The following N4BP2L2 variants were observed in gnomAD, a reference collection of about 807,000 sequenced individuals.
The protein encoded by N4BP2L2 is NEDD4-binding protein 2-like 2.
N4BP2L2 carries 50 observed loss-of-function variants against 56.2 expected under a neutral mutation model. The observed-to-expected ratio is 0.89, with a 90% CI of 0.71 to 1.13. The LOEUF (loss-of-function observed/expected upper bound fraction) is 1.13. Ranked by LOEUF, N4BP2L2 falls within the 50% of genes most tolerant of loss-of-function variation. N4BP2L2 has a pLI of 0.00. For synonymous variants in N4BP2L2, 203 were observed against 223.6 expected, an observed-to-expected ratio of 0.91 and a Z score of 0.82; for missense variants, 689 against 693.8, an observed-to-expected ratio of 0.99 and a Z score of 0.08.
At chr13:32,488,088 A>G (rs1015710294) in intron 6 of N4BP2L2, among the ~76,000 whole-genome samples, 3 of 152,174 alleles carry the variant, frequency 2.0e-5, no homozygotes, top group Non-Finnish European at 2.9e-5. Flanking sequence ...AGTTTGCATA[A>G]TTAATAAACA....
intron 6 of N4BP2L2, among the ~76,000 whole-genome samples, chr13:32,502,772 C>G (rs1055666234): frequency 3.9e-5 from 6 of 152,190 alleles, no homozygotes; most frequent in African/African-American, 1.4e-4. Flanking sequence ...TCTGAAAGCA[C>G]AGAACTCCAT....
exon 7 of N4BP2L2, chr13:32,442,839 G>C (rs761765271): frequency 1.2e-6 from 2 of 1,613,564 alleles, no homozygotes; most frequent in Admixed American, 1.7e-5. Context: ...TATTTAAAGG[G>C]GTAGCTTTGA....
At position 32,465,943 on chromosome 13, in the gene N4BP2L2, C is replaced by A. The variant is rs1312439836; in HGVS notation, c.366-21817G>T. Among the ~76,000 whole-genome samples, 6 of 152,188 alleles carry A rather than the reference C, an allele frequency of 3.9e-5. No homozygotes were observed. In the East Asian group the frequency reaches 1.2e-3, roughly 29 times the overall value. On this transcript the variant is annotated intron_variant, in intron 6 of 9. Coordinates refer to the N4BP2L2 transcript ENST00000357505. ...TTGGGATTATAGGCGTGAGCCACCACGCCTGGCCTAGTTTTGTTTATTAAC... is the reference window on the plus strand; with the variant it reads ...TTGGGATTATAGGCGTGAGCCACCAAGCCTGGCCTAGTTTTGTTTATTAAC...
intron 6 of N4BP2L2, among the ~76,000 whole-genome samples, chr13:32,446,822 G>C (rs60977811): frequency 0.057 from 8,700 of 152,182 alleles, 841 homozygotes; most frequent in African/African-American, 0.2. Context: ...CTGTTTAATT[G>C]CTTTACATGT....
chr13:32,472,473 C>T (rs2082497265), intron 6 of N4BP2L2, among the ~76,000 whole-genome samples: 2 of 151,776 alleles, frequency 1.3e-5, no homozygotes, highest in Admixed American at 1.3e-4. Flanking sequence ...TTTTTTTTCC[C>T]CTCACACTCA....
At chr13:32,460,261 C>T (rs1055744957) in intron 6 of N4BP2L2, among the ~76,000 whole-genome samples, 4 of 152,188 alleles carry the variant, frequency 2.6e-5, no homozygotes, top group African/African-American at 9.6e-5. Flanking sequence ...AGGATGCTCA[C>T]CTTCATCACT....
exon 6 of N4BP2L2, chr13:32,514,219 A>C (rs1291836794): frequency 6.6e-6 from 1 of 152,208 alleles, no homozygotes; most frequent in African/African-American, 2.4e-5. Flanking sequence ...ATAAATACTG[A>C]AAATAAAGAT....
chr13:32,483,304 A>C (rs1187703609), intron 6 of N4BP2L2, among the ~76,000 whole-genome samples: 1 of 152,228 alleles, frequency 6.6e-6, no homozygotes, highest in African/African-American at 2.4e-5. Flanking sequence ...GCTACAGATA[A>C]GGGCAGAGAA....
chr13:32,514,351 A>C (rs540009085), exon 6 of N4BP2L2: 29 of 152,298 alleles, frequency 1.9e-4, no homozygotes, highest in African/African-American at 6.7e-4. Flanking sequence ...TCTGCACTAA[A>C]CCTATGGAAC....
chr13:32,526,739 A>C (rs1273102335), intron 3 of N4BP2L2: 5 of 151,838 alleles, frequency 3.3e-5, no homozygotes, highest in African/African-American at 1.2e-4. Context: ...TTCAAAACAA[A>C]AAGTATCAAT....
chr13:32,526,353 C>G (rs1016194599), intron 3 of N4BP2L2, among the ~76,000 whole-genome samples: 3 of 152,132 alleles, frequency 2.0e-5, no homozygotes, highest in African/African-American at 4.8e-5. Context: ...TTCAATTACA[C>G]ACTGGGTTAC....
intron 6 of N4BP2L2, among the ~76,000 whole-genome samples, chr13:32,484,404 C>T (rs546465386): frequency 6.6e-6 from 1 of 152,144 alleles, no homozygotes; most frequent in Non-Finnish European, 1.5e-5. Context: ...TAACTGCAAA[C>T]ATAAACTTGA....
chr13:32,467,737 C>A (rs765105728), intron 6 of N4BP2L2, among the ~76,000 whole-genome samples: 1 of 151,256 alleles, frequency 6.6e-6, no homozygotes, highest in South Asian at 2.1e-4. Context: ...GCTTGTAATC[C>A]GAGCACTTTG....
rs1714637649 is a variant in N4BP2L2 at position 32,457,742 on chromosome 13, G to A, written c.366-13616C>T. 2.0e-5 allele frequency among the ~76,000 whole-genome samples: 3 copies of A among 152,154 alleles called. No homozygotes were observed. The East Asian group carries it at 5.8e-4, about 29-fold the overall frequency. On this transcript the variant is annotated intron_variant, in intron 6 of 9. Coordinates refer to the N4BP2L2 transcript ENST00000357505. ...AACGTTAAAAGAAGTCCTATACATGGAAGTGAAAGGACAGTATCTACCATC... is the reference window on the plus strand; with the variant it reads ...AACGTTAAAAGAAGTCCTATACATGAAAGTGAAAGGACAGTATCTACCATC...
chr13:32,504,656 A>G (rs1336957573), intron 6 of N4BP2L2: 1 of 152,212 alleles, frequency 6.6e-6, no homozygotes, highest in Non-Finnish European at 1.5e-5. Context: ...CTCAGACACA[A>G]AACACATCCA....
At chr13:32,517,044 A>G (rs1594017449) in exon 6 of N4BP2L2, 1 of 972,762 alleles carries the variant, frequency 1.0e-6, no homozygotes, top group Middle Eastern at 5.3e-4. Flanking sequence ...ACTGTCCAAA[A>G]TATTTTTATA....
At chr13:32,444,879 T>G (rs953858295) in intron 6 of N4BP2L2, among the ~76,000 whole-genome samples, 1 of 152,166 alleles carries the variant, frequency 6.6e-6, no homozygotes, top group African/African-American at 2.4e-5. Flanking sequence ...GCTCCTAGGC[T>G]GAAAAATTGT....
At chr13:32,528,059 C>T (rs2053596119) in intron 2 of N4BP2L2, among the ~76,000 whole-genome samples, 2 of 152,154 alleles carry the variant, frequency 1.3e-5, no homozygotes, top group African/African-American at 4.8e-5. Flanking sequence ...CATGAGCCAC[C>T]GTGCCTGGCC....
intron 6 of N4BP2L2, among the ~76,000 whole-genome samples, chr13:32,464,786 A>G (rs896776702): frequency 1.3e-5 from 2 of 152,160 alleles, no homozygotes; most frequent in African/African-American, 4.8e-5. Context: ...CTAAATAGCA[A>G]AATAAGTAAA....
Sources: gnomAD v4.1 joint callset for allele counts (sites outside exome capture counted in the v4.1 genomes callset) on GRCh38, gnomAD v4.1.1 for gene constraint, MANE v1.5 for transcripts, NCBI Gene and HGNC (gene_info 2026-07-23, HGNC 2026-07-21) for gene names.